Variants in HIPK3 observed in about 807,000 individuals in gnomAD.
HIPK3 encodes homeodomain interacting protein kinase 3.
A neutral mutation model predicts 124.2 loss-of-function variants in HIPK3; 47 were observed. The observed-to-expected ratio is 0.38, with a 90% CI of 0.30 to 0.48. The LOEUF is 0.48. Ranked by LOEUF, HIPK3 falls within the 20% of genes least tolerant of loss-of-function variation. HIPK3 has a pLI of 0.98. For synonymous variants in HIPK3, 482 were observed against 515.2 expected (o/e 0.94, Z 0.87); for missense variants, 1,286 against 1,454.3 (o/e 0.88, Z 1.88).
intron 1 of HIPK3, among the ~76,000 whole-genome samples, 191 bp downstream of exon 1, chr11:33,258,080 GCCCC>G (rs1850715880): frequency 6.6e-6 from 1 of 152,068 alleles, no homozygotes; most frequent in South Asian, 2.1e-4. Flanking sequence ...TTCCGCCCTA[GCCCC>G]TGCAGTGTGG....
intron 2 of HIPK3, among the ~76,000 whole-genome samples, chr11:33,311,865 CACACT>C (rs1175335574): frequency 2.7e-5 from 4 of 146,752 alleles, no homozygotes; most frequent in Non-Finnish European, 6.0e-5. Flanking sequence ...CACACACACA[CACACT>C]ACACACACAC....
intron 2 of HIPK3, among the ~76,000 whole-genome samples, chr11:33,304,549 C>T (rs900726518): frequency 1.3e-5 from 2 of 149,498 alleles, no homozygotes; most frequent in Non-Finnish European, 3.0e-5. Context: ...AGGAGCAAAA[C>T]TCCATTTCAA....
intron 2 of HIPK3, among the ~76,000 whole-genome samples, chr11:33,293,896 G>T (rs938387221): frequency 6.6e-6 from 1 of 152,142 alleles, no homozygotes. Context: ...GCTGAGTGCC[G>T]TGGCTCACAC....
At chr11:33,258,660 C>G (rs1207751724) in intron 1 of HIPK3, 1 of 985,200 alleles carries the variant, frequency 1.0e-6, no homozygotes, top group African/African-American at 1.7e-5. Context: ...GTCTGTTTCT[C>G]TGTCGGGAGG....
In HIPK3 at chr11:33,257,441, A is replaced by G. The variant is rs373895171; in HGVS notation, c.-451A>G. On this transcript the variant is annotated 5_prime_UTR_variant, in exon 1 of 17. Coordinates refer to ENST00000303296, the MANE Select transcript of HIPK3 (RefSeq NM_005734.5). Reference sequence around the variant, plus strand: ...CGGCGACCTGAGGAGATCAAGCCGCAGGCCCCGCCGTCGCCACCACTCCCG... The same window carrying G: ...CGGCGACCTGAGGAGATCAAGCCGCGGGCCCCGCCGTCGCCACCACTCCCG... 6.1e-6 allele frequency: 6 copies of G among 985,434 alleles called. No homozygotes were observed. The highest frequency in any genetic ancestry group is 7.2e-6 in the Non-Finnish European group (6 of 830,118). 61.0% of individuals were successfully genotyped at this position (985,434 alleles called of 1,614,324 possible).
chr11:33,277,789 T>C (rs1169026779), intron 1 of HIPK3, among the ~76,000 whole-genome samples: 1 of 152,242 alleles, frequency 6.6e-6, no homozygotes, highest in East Asian at 1.9e-4. Context: ...TAACAGTTCC[T>C]GTTGCCCTAT....
intron 2 of HIPK3, among the ~76,000 whole-genome samples, chr11:33,312,040 T>G (rs1418265314): frequency 6.6e-6 from 1 of 151,012 alleles, no homozygotes; most frequent in Non-Finnish European, 1.5e-5. Context: ...GTGTGTGTTT[T>G]GTAGAGACAG....
chr11:33,272,582 A>G (rs1189021494), intron 1 of HIPK3, among the ~76,000 whole-genome samples: 1 of 151,896 alleles, frequency 6.6e-6, no homozygotes, highest in Non-Finnish European at 1.5e-5. Flanking sequence ...TTGTCATAAG[A>G]ATGAGAGAGA....
At chr11:33,352,923 A>G (rs1174017004) in intron 16 of HIPK3, among the ~76,000 whole-genome samples, 169 bp from the exon 17 acceptor site, 2 of 152,140 alleles carry the variant, frequency 1.3e-5, no homozygotes, top group African/African-American at 2.4e-5. Flanking sequence ...ACTAATATAT[A>G]TGGAATTGAT....
intron 1 of HIPK3, among the ~76,000 whole-genome samples, chr11:33,266,150 G>C (rs1354650479): frequency 1.3e-5 from 2 of 151,146 alleles, no homozygotes; most frequent in South Asian, 2.1e-4. Context: ...TGAACGAAGA[G>C]ACTAACACGT....
chr11:33,280,903 G>GT (rs946914298), intron 1 of HIPK3, among the ~76,000 whole-genome samples: 1 of 152,012 alleles, frequency 6.6e-6, no homozygotes, highest in Non-Finnish European at 1.5e-5. Flanking sequence ...TTTGCCTGTG[G>GT]TTTTTGTATA....
intron 5 of HIPK3, 36 bp downstream of exon 5, chr11:33,338,879 C>G: frequency 1.4e-6 from 2 of 1,427,384 alleles, no homozygotes; most frequent in Non-Finnish European, 2.0e-6. Context: ...ATCTTACATG[C>G]TTAGATGGTA....
intron 4 of HIPK3, among the ~76,000 whole-genome samples, chr11:33,337,561 G>T (rs895716074): frequency 6.6e-6 from 1 of 151,622 alleles, no homozygotes; most frequent in Non-Finnish European, 1.5e-5. Context: ...TCACCATGTT[G>T]GCCAGGCTGG....
intron 2 of HIPK3, among the ~76,000 whole-genome samples, chr11:33,291,842 T>G (rs1851706871): frequency 6.6e-6 from 1 of 152,240 alleles, no homozygotes; most frequent in East Asian, 1.9e-4. Context: ...AGTTATATTC[T>G]TTGCTACTCT....
chr11:33,328,377 C>T, intron 2 of HIPK3, 133 bp from the exon 3 acceptor site: 1 of 795,128 alleles, frequency 1.3e-6, no homozygotes, highest in Non-Finnish European at 2.0e-6. Context: ...TCAAAGAGTT[C>T]TGAAATAGTG....
At chr11:33,271,085 T>A (rs960796248) in intron 1 of HIPK3, among the ~76,000 whole-genome samples, 1 of 152,182 alleles carries the variant, frequency 6.6e-6, no homozygotes, top group Non-Finnish European at 1.5e-5. Flanking sequence ...GCAGTATGAT[T>A]CCAGGTAAAT....
intron 2 of HIPK3, among the ~76,000 whole-genome samples, chr11:33,325,613 G>T (rs757247332): frequency 6.6e-6 from 1 of 152,076 alleles, no homozygotes; most frequent in East Asian, 1.9e-4. Flanking sequence ...GTATTTGAAG[G>T]CCTAGTCCAA....
intron 2 of HIPK3, among the ~76,000 whole-genome samples, chr11:33,310,307 A>ATCTATCTATCT (rs59211221): frequency 2.6e-5 from 1 of 38,106 alleles, no homozygotes; most frequent in South Asian, 9.4e-4. Context: ...CTATCTATCT[A>ATCTATCTATCT]ATCTATCTAT....
intron 2 of HIPK3, among the ~76,000 whole-genome samples, chr11:33,310,914 G>C (rs1228716664): frequency 6.6e-6 from 1 of 152,200 alleles, no homozygotes; most frequent in East Asian, 1.9e-4. Context: ...TCAGCCCTTT[G>C]TGGTTTTGCT....
Sources: allele counts gnomAD v4.1 joint callset (sites outside exome capture counted in the v4.1 genomes callset), GRCh38; gene constraint gnomAD v4.1.1; transcripts MANE v1.5; gene names NCBI Gene and HGNC (gene_info 2026-07-23, HGNC 2026-07-21).